Variants in LRFN5 observed in about 807,000 individuals in gnomAD.
LRFN5 encodes leucine-rich repeat and fibronectin type-III domain-containing protein 5.
In LRFN5, 24 loss-of-function variants were observed where a neutral mutation model predicts 45.6. That is an observed-to-expected ratio of 0.53 (90% confidence interval 0.38 to 0.74). The LOEUF (loss-of-function observed/expected upper bound fraction) is 0.74, where lower values mean the gene tolerates loss of function less well. LRFN5 is among the 30% of genes least tolerant of loss of function. The pLI, the probability that LRFN5 is intolerant of heterozygous loss-of-function variation, is 0.00. For synonymous variants in LRFN5, 340 were observed against 313.8 expected, an observed-to-expected ratio of 1.08 and a Z score of -0.88; for missense variants, 776 against 861.5, an observed-to-expected ratio of 0.90 and a Z score of 1.24.
intron 1 of LRFN5, among the ~76,000 whole-genome samples, chr14:41,677,082 C>T (rs1268294345): frequency 6.6e-6 from 1 of 151,812 alleles, no homozygotes; most frequent in Non-Finnish European, 1.5e-5. Flanking sequence ...AATCCAGGAA[C>T]ACATCCTAGG....
In LRFN5 at chr14:41,856,675, A is replaced by ATTATTATTTTTTTTTTTTTTTTTTT; in HGVS notation, c.-20-29929_-20-29928insATTATTTTTTTTTTTTTTTTTTTTT. 9.3e-4 allele frequency among the ~76,000 whole-genome samples: 17 copies of ATTATTATTTTTTTTTTTTTTTTTTT among 18,334 alleles called. 1 individual carries two copies. The highest frequency in any genetic ancestry group is 5.1e-3 in the South Asian group (1 of 198). 12.0% of individuals were successfully genotyped at this position (18,334 alleles called of 152,430 possible). A position where few individuals can be genotyped will look rare whatever the true frequency, so the allele number is the denominator to read the frequency against. On this transcript the variant is annotated intron_variant, in intron 2 of 5. Transcript: ENST00000298119. Reference sequence around the variant, plus strand: ...TTCTTTCCTAATTATTATTATTATTATTTTTTTTTTTTTTTTTTTGAGACG... The same window carrying ATTATTATTTTTTTTTTTTTTTTTTT: ...TTCTTTCCTAATTATTATTATTATTATTATTATTTTTTTTTTTTTTTTTTTTTTTTTTTTTTTTTTTTTTGAGACG...
intron 2 of LRFN5, among the ~76,000 whole-genome samples, chr14:41,883,712 C>T (rs1050197557): frequency 5.9e-5 from 9 of 152,062 alleles, no homozygotes; most frequent in African/African-American, 1.2e-4. Context: ...TATTGTAATC[C>T]GTCTTATTTC....
rs199862342 is a variant in LRFN5 at position 41,704,438 on chromosome 14, C to CTGTGTGTG, written c.-196-62415_-196-62414insGTGTGTGT. ...TCTCTCTCTCTCTCTCTCTCTCTCTCTCTCTCTCTCTGTGTGTGTGTGTCT... is the reference window on the plus strand; with the variant it reads ...TCTCTCTCTCTCTCTCTCTCTCTCTCTGTGTGTGTCTCTCTCTCTGTGTGTGTGTGTCT... On this transcript the variant is annotated intron_variant, in intron 1 of 5. Coordinates refer to ENST00000298119, the MANE Select transcript of LRFN5 (RefSeq NM_152447.5). 2.5e-3 allele frequency among the ~76,000 whole-genome samples: 281 copies of CTGTGTGTG among 111,570 alleles called. 1 individual carries two copies. The highest frequency in any genetic ancestry group is 3.4e-3 in the African/African-American group (83 of 24,570). 73.2% of individuals were successfully genotyped at this position (111,570 alleles called of 152,430 possible). A position where few individuals can be genotyped will look rare whatever the true frequency, so the allele number is the denominator to read the frequency against.
At chr14:41,759,783 A>G (rs1038501381) in intron 1 of LRFN5, among the ~76,000 whole-genome samples, 2 of 152,172 alleles carry the variant, frequency 1.3e-5, no homozygotes, top group African/African-American at 4.8e-5. Flanking sequence ...CTGTATTTCA[A>G]ATGTGGTTTA....
At chr14:41,844,170 G>T (rs1233438161) in intron 2 of LRFN5, among the ~76,000 whole-genome samples, 1 of 152,208 alleles carries the variant, frequency 6.6e-6, no homozygotes, top group Non-Finnish European at 1.5e-5. Flanking sequence ...GGGTGCAGTG[G>T]CTCACGCCTG....
chr14:41,782,721 G>A (rs541858730), intron 2 of LRFN5, among the ~76,000 whole-genome samples: 15 of 152,254 alleles, frequency 9.9e-5, no homozygotes, highest in African/African-American at 4.8e-5. Flanking sequence ...GGTGCCAGAG[G>A]CTGTAAATTC....
chr14:41,807,326 C>T (rs2138982419), intron 2 of LRFN5, among the ~76,000 whole-genome samples: 1 of 152,036 alleles, frequency 6.6e-6, no homozygotes, highest in East Asian at 1.9e-4. Flanking sequence ...GAATAGGGGA[C>T]ACATTAAAGT....
chr14:41,758,637 G>T (rs1461385606), intron 1 of LRFN5, among the ~76,000 whole-genome samples: 2 of 152,072 alleles, frequency 1.3e-5, no homozygotes, highest in Admixed American at 1.3e-4. Flanking sequence ...GCAGGGTTAC[G>T]GTCTAATAAA....
intron 1 of LRFN5, among the ~76,000 whole-genome samples, chr14:41,619,723 G>T (rs1888051346): frequency 6.6e-6 from 1 of 151,614 alleles, no homozygotes; most frequent in Non-Finnish European, 1.5e-5. Flanking sequence ...ACATATATAT[G>T]TACATACATA....
chr14:41,747,803 C>G (rs1884981853), intron 1 of LRFN5, among the ~76,000 whole-genome samples: 1 of 151,832 alleles, frequency 6.6e-6, no homozygotes. Context: ...ATAGAGAACT[C>G]CTAAAACTCA....
chr14:41,695,398 A>T, intron 1 of LRFN5, among the ~76,000 whole-genome samples: 1 of 152,082 alleles, frequency 6.6e-6, no homozygotes, highest in Non-Finnish European at 1.5e-5. Flanking sequence ...ACTAAATAGC[A>T]GATTTTCAAT....
intron 1 of LRFN5, among the ~76,000 whole-genome samples, chr14:41,667,087 A>G (rs773771906): frequency 1.3e-5 from 2 of 152,174 alleles, no homozygotes; most frequent in Non-Finnish European, 2.9e-5. Context: ...AAGCTTTAAG[A>G]ATTCGTAATA....
chr14:41,902,176 A>G (rs998983206), intron 5 of LRFN5, among the ~76,000 whole-genome samples: 4 of 151,688 alleles, frequency 2.6e-5, no homozygotes, highest in Non-Finnish European at 5.9e-5. Flanking sequence ...TGCATTTCTT[A>G]TTTATCTTTT....
At chr14:41,619,344 A>G (rs1382054098) in intron 1 of LRFN5, among the ~76,000 whole-genome samples, 2 of 152,084 alleles carry the variant, frequency 1.3e-5, no homozygotes, top group Admixed American at 1.3e-4. Context: ...TGCAGGGCAT[A>G]GGTCATGGGG....
chr14:41,657,625 G>T (rs74045189), intron 1 of LRFN5, among the ~76,000 whole-genome samples: 4,970 of 151,984 alleles, frequency 0.033, 143 homozygotes, highest in African/African-American at 0.085. Context: ...GTGAGAAATA[G>T]TCAAAGCCAT....
chr14:41,878,144 A>G (rs182852827), intron 2 of LRFN5, among the ~76,000 whole-genome samples: 3 of 152,300 alleles, frequency 2.0e-5, no homozygotes, highest in Admixed American at 2.0e-4. Flanking sequence ...TATTTGAAAT[A>G]AAACTATTAA....
intron 2 of LRFN5, among the ~76,000 whole-genome samples, chr14:41,817,204 T>A (rs1357870507): frequency 6.6e-6 from 1 of 152,120 alleles, no homozygotes; most frequent in Non-Finnish European, 1.5e-5. Flanking sequence ...ATTAGAGCTC[T>A]GAGCATCTTA....
intron 1 of LRFN5, among the ~76,000 whole-genome samples, chr14:41,681,824 A>T (rs1000058658): frequency 0.018 from 1,246 of 70,050 alleles, 10 homozygotes; most frequent in Middle Eastern, 0.036. Context: ...TTATTTATTT[A>T]TTTTTTTTTT....
chr14:41,718,394 G>A (rs73305560), intron 1 of LRFN5, among the ~76,000 whole-genome samples: 6,825 of 152,200 alleles, frequency 0.045, 341 homozygotes, highest in African/African-American at 0.12. Context: ...GTCATATTAA[G>A]TACCTGTTCT....
Sources: gnomAD v4.1 joint callset for allele counts (sites outside exome capture counted in the v4.1 genomes callset) on GRCh38, gnomAD v4.1.1 for gene constraint, MANE v1.5 for transcripts, NCBI Gene and HGNC (gene_info 2026-07-23, HGNC 2026-07-21) for gene names.